The following APAF1 variants were observed in gnomAD, a reference collection of about 807,000 sequenced individuals.
The protein encoded by APAF1 is apoptotic peptidase activating factor 1, also known as apoptotic protease-activating factor 1.
APAF1 carries 91 observed loss-of-function variants against 152.4 expected under a neutral mutation model. That is an observed-to-expected ratio of 0.60 (90% CI 0.50 to 0.71). The LOEUF is 0.71. Ranked by LOEUF, APAF1 falls within the 30% of genes least tolerant of loss-of-function variation. APAF1 has a pLI of 0.00. For synonymous variants in APAF1, 484 were observed against 494.1 expected, an observed-to-expected ratio of 0.98 and a Z score of 0.27; for missense variants, 1,283 against 1,472.0, an observed-to-expected ratio of 0.87 and a Z score of 2.10.
In APAF1 at chr12:98,695,991, T is replaced by C. The variant is rs1006509482; in HGVS notation, c.2305-3417T>C. On this transcript the variant is annotated intron_variant, in intron 16 of 26. Coordinates refer to ENST00000551964, the MANE Select transcript of APAF1 (RefSeq NM_181861.2). ...TACTTGCCTTTCTGCTTTCTAGACTTGATGATTTTGTTGCTGCTGTCTCTT... is the reference window on the plus strand; with the variant it reads ...TACTTGCCTTTCTGCTTTCTAGACTCGATGATTTTGTTGCTGCTGTCTCTT... Among the ~76,000 whole-genome samples, 13 of 152,324 alleles carry C rather than the reference T, an allele frequency of 8.5e-5. 1 individual carries two copies. The highest frequency in any genetic ancestry group is 2.6e-4 in the African/African-American group (11 of 41,566).
chr12:98,678,377 A>C (rs1384928965), intron 13 of APAF1, among the ~76,000 whole-genome samples: 1 of 152,084 alleles, frequency 6.6e-6, no homozygotes, highest in Non-Finnish European at 1.5e-5. Flanking sequence ...TGCTCTGTGG[A>C]GCTGGCGGTA....
rs147901080 is a variant in APAF1 at position 98,728,925 on chromosome 12, C to T, written c.3600+1609C>T. Among the ~76,000 whole-genome samples the T allele has an allele frequency of 2.6e-5, 4 of 152,214 alleles. No individual in the cohort carries two copies. In the East Asian group the frequency reaches 7.7e-4, roughly 29 times the overall value. ...TTTTTTGATGTATCTTTTATCTATC[C>T]ACTCAAAAAGACTGTGTTGAATGTC... On this transcript the variant is annotated intron_variant, in intron 26 of 26. Transcript: ENST00000551964.
In APAF1 at chr12:98,659,310, G is replaced by A. The variant is rs780332778; in HGVS notation, c.677G>A (p.Arg226His). ...CTTAATATTGAAGAGGCTAAAGACC[G>A]TCTCCGCATTCTGATGCTTCGCAAA... Reference protein sequence around the residue: ...LPLNIEEAKDRLRILMLRKHP... With the variant: ...LPLNIEEAKDHLRILMLRKHP... Residue 226 changes from arginine (R) to histidine (H), a missense_variant, in exon 5 of 27, where the codon CGT becomes CAT. Transcript: ENST00000551964. 5.6e-6 allele frequency: 9 copies of A among 1,614,152 alleles called. No homozygotes were observed. Among genetic ancestry groups the A allele is most frequent in the East Asian group, 4.5e-5 (2 of 44,882 alleles).
Position 98,648,789 on chromosome 12 carries a change from A to G in APAF1, c.302A>G (p.Asp101Gly). 1 of 1,613,968 alleles carries G rather than the reference A, an allele frequency of 6.2e-7. No homozygotes were observed. Among genetic ancestry groups the G allele is most frequent in the Non-Finnish European group, 8.5e-7 (1 of 1,179,962 alleles). ...IPVVSSSSGK[D>G]SVSGITSYVR... Reference sequence around the variant, plus strand: ...GTTGTCTCTTCTTCCAGTGGTAAAGATTCAGTTAGTGGAATAACTTCGTAT... The same window carrying G: ...GTTGTCTCTTCTTCCAGTGGTAAAGGTTCAGTTAGTGGAATAACTTCGTAT... Residue 101 changes from aspartate to glycine, a missense_variant, in exon 3 of 27, where the codon GAT (aspartate) becomes GGT (glycine). Physicochemically the swap from Asp to Gly is moderately conservative, Grantham distance 94. Coordinates refer to ENST00000551964, the MANE Select transcript of APAF1 (RefSeq NM_181861.2).
intron 2 of APAF1, 37 bp from the exon 3 acceptor site, chr12:98,648,589 T>C (rs780217415): frequency 6.2e-7 from 1 of 1,610,764 alleles, no homozygotes; most frequent in Non-Finnish European, 8.5e-7. Context: ...TGCATACATA[T>C]TCATTGTTGT....
chr12:98,710,844 T>C lies in APAF1; in HGVS notation c.2842-1475T>C, dbSNP rs138865151. Among the ~76,000 whole-genome samples, 379 of 152,234 alleles carry C rather than the reference T, an allele frequency of 2.5e-3. 2 individuals are homozygous for C. Among genetic ancestry groups the C allele is most frequent in the African/African-American group, 8.5e-3 (355 of 41,538 alleles). On this transcript the variant is annotated intron_variant, in intron 20 of 26. Coordinates refer to ENST00000551964, the MANE Select transcript of APAF1 (RefSeq NM_181861.2). ...TTCTTTATCAACTAGTTCTATGATG[T>C]TGAATAAATTGTATCACGTCTTTGA...
intron 16 of APAF1, among the ~76,000 whole-genome samples, chr12:98,697,654 A>T (rs982600898): frequency 6.6e-6 from 1 of 152,164 alleles, no homozygotes; most frequent in East Asian, 1.9e-4. Context: ...AGAACTGCCC[A>T]TGTTTGTGGT....
chr12:98,677,700 TC>T, intron 13 of APAF1, 149 bp downstream of exon 13: 1 of 977,106 alleles, frequency 1.0e-6, no homozygotes, highest in Non-Finnish European at 1.5e-6. Context: ...TAAAGGTTTC[TC>T]TAGAGATTTA....
At chr12:98,666,714 T>A (rs1035206372) in intron 9 of APAF1, among the ~76,000 whole-genome samples, 1 of 152,228 alleles carries the variant, frequency 6.6e-6, no homozygotes, top group Non-Finnish European at 1.5e-5. Flanking sequence ...TACTGGCTAG[T>A]AATTTTGTAC....
intron 26 of APAF1, among the ~76,000 whole-genome samples, chr12:98,732,066 A>C (rs1036543673): frequency 4.6e-5 from 7 of 152,170 alleles, no homozygotes; most frequent in Non-Finnish European, 8.8e-5. Flanking sequence ...GAGAGGGGGA[A>C]TCTTCTGCCC....
intron 1 of APAF1, among the ~76,000 whole-genome samples, chr12:98,647,125 C>G (rs1370744073): frequency 1.3e-5 from 2 of 151,836 alleles, no homozygotes; most frequent in African/African-American, 4.8e-5. Flanking sequence ...AAAAAATTGA[C>G]AGTAGAGGCC....
chr12:98,713,462 C>A (rs1428052015), intron 21 of APAF1, among the ~76,000 whole-genome samples: 3 of 152,190 alleles, frequency 2.0e-5, no homozygotes, highest in African/African-American at 7.2e-5. Context: ...GCCTGTTCCA[C>A]CAATCCTTGC....
chr12:98,668,018 A>C (rs1304371018), intron 10 of APAF1, among the ~76,000 whole-genome samples: 1 of 152,046 alleles, frequency 6.6e-6, no homozygotes, highest in Non-Finnish European at 1.5e-5. Context: ...ACGTGAGCTC[A>C]AGTGATCCAC....
chr12:98,650,174 C>T (rs1055631342), intron 4 of APAF1, among the ~76,000 whole-genome samples: 8 of 152,142 alleles, frequency 5.3e-5, no homozygotes, highest in African/African-American at 1.9e-4. Context: ...AATTCAAAGA[C>T]AGTTCCCAAC....
At chr12:98,660,016 A>G (rs969098184) in intron 5 of APAF1, among the ~76,000 whole-genome samples, 1 of 152,076 alleles carries the variant, frequency 6.6e-6, no homozygotes, top group Non-Finnish European at 1.5e-5. Flanking sequence ...ATGGGTTAAC[A>G]TAGAACAACA....
chr12:98,650,711 C>A (rs144815185), intron 4 of APAF1, among the ~76,000 whole-genome samples: 45 of 152,170 alleles, frequency 3.0e-4, no homozygotes, highest in African/African-American at 1.0e-3. Flanking sequence ...ATTCCTAACC[C>A]TTGGTTTTTC....
intron 26 of APAF1, among the ~76,000 whole-genome samples, chr12:98,731,617 C>T (rs183509253): frequency 8.3e-4 from 127 of 152,284 alleles, no homozygotes; most frequent in African/African-American, 2.9e-3. Context: ...AGACAAAATG[C>T]TAGGTACTGC....
chr12:98,704,964 C>T (rs1839530447), intron 18 of APAF1, among the ~76,000 whole-genome samples: 1 of 151,638 alleles, frequency 6.6e-6, no homozygotes. Flanking sequence ...TTGTATTTTT[C>T]ATGGAGATAG....
chr12:98,650,047 A>G (rs1175788021), intron 4 of APAF1, among the ~76,000 whole-genome samples: 1 of 152,132 alleles, frequency 6.6e-6, no homozygotes, highest in East Asian at 1.9e-4. Context: ...CGATCCTGGT[A>G]GGTTCTCAGG....
Sources: gnomAD v4.1 joint callset for allele counts (sites outside exome capture counted in the v4.1 genomes callset) on GRCh38, gnomAD v4.1.1 for gene constraint, MANE v1.5 for transcripts, NCBI Gene and HGNC (gene_info 2026-07-23, HGNC 2026-07-21) for gene names.